CHD6: variants seen among roughly 807,000 people sequenced by gnomAD.
CHD6 encodes the protein chromodomain helicase DNA binding protein 6.
In CHD6, 50 loss-of-function variants were observed where a neutral mutation model predicts 276.9. The ratio of observed to expected loss-of-function variants is 0.18; its 90% CI spans 0.14 to 0.23. The LOEUF is 0.23. CHD6 is among the 10% of genes least tolerant of loss of function. CHD6 has a pLI of 1.00. For synonymous variants in CHD6, 1,173 were observed against 1,229.3 expected (o/e 0.95, Z 0.96); for missense variants, 2,564 against 3,365.8 (o/e 0.76, Z 5.89).
intron 29 of CHD6, among the ~76,000 whole-genome samples, chr20:41,424,285 G>A (rs927358724): frequency 6.6e-6 from 1 of 152,162 alleles, no homozygotes; most frequent in Non-Finnish European, 1.5e-5. Context: ...GGACACAAAG[G>A]TCCTCTAGTC....
At chr20:41,471,248 CA>C (rs2043045254) in intron 17 of CHD6, among the ~76,000 whole-genome samples, 1 of 152,158 alleles carries the variant, frequency 6.6e-6, no homozygotes, top group Non-Finnish European at 1.5e-5. Context: ...GGCAGCAGGC[CA>C]AAAGGCAATC....
In CHD6 at chr20:41,483,352, C is replaced by T; in HGVS notation, c.2425G>A (p.Val809Met). 4 of 1,613,740 alleles carry T rather than the reference C, an allele frequency of 2.5e-6. No homozygotes were observed. The highest frequency in any genetic ancestry group is 3.4e-6 in the Non-Finnish European group (4 of 1,179,784). The change falls in exon 16 of 37, where the codon GTG becomes ATG. Residue 809 changes from valine to methionine, a missense_variant. Transcript: ENST00000373233. ...TCTTCTAGGATGTCGAGGCAGCGCA[C>T]CATCTGGGAGAAGATGAGTACTTTG... ...GHKVLIFSQMVRCLDILEDYL... is the reference protein window; with the variant it reads ...GHKVLIFSQMMRCLDILEDYL...
chr20:41,502,041 T>C (rs1161083023), intron 5 of CHD6, among the ~76,000 whole-genome samples: 1 of 152,224 alleles, frequency 6.6e-6, no homozygotes, highest in Non-Finnish European at 1.5e-5. Context: ...CTCTCTCAGA[T>C]ACACAGATTA....
In CHD6 at chr20:41,480,697, G is replaced by A. The variant is rs1443083881; in HGVS notation, c.2468+2612C>T. ...AAATTACAACTAATATCATTATTTA[G>A]ATACAGCTATAAATACCAAAAGAAA... On this transcript the variant is annotated intron_variant, in intron 16 of 36. Coordinates refer to ENST00000373233, the MANE Select transcript of CHD6 (RefSeq NM_032221.5). Among the ~76,000 whole-genome samples, 4 of 152,078 alleles carry A rather than the reference G, an allele frequency of 2.6e-5. 1 individual carries two copies. Among genetic ancestry groups the A allele is most frequent in the East Asian group, 3.9e-4 (2 of 5,194 alleles).
intron 26 of CHD6, among the ~76,000 whole-genome samples, 165 bp downstream of exon 26, chr20:41,439,835 A>G (rs1246136496): frequency 6.6e-6 from 1 of 152,230 alleles, no homozygotes; most frequent in Non-Finnish European, 1.5e-5. Context: ...GAGGTAGAGT[A>G]GGGTGTAACC....
chr20:41,522,433 A>G (rs977981505), intron 3 of CHD6, among the ~76,000 whole-genome samples: 4 of 152,238 alleles, frequency 2.6e-5, no homozygotes, highest in Non-Finnish European at 4.4e-5. Context: ...AAGGGATGCT[A>G]AATCTTGGGA....
intron 16 of CHD6, among the ~76,000 whole-genome samples, chr20:41,479,303 T>C (rs1276577988): frequency 6.6e-6 from 1 of 152,168 alleles, no homozygotes; most frequent in Non-Finnish European, 1.5e-5. Flanking sequence ...TCAAATTTGA[T>C]GAAAGACATA....
At position 41,473,152 on chromosome 20, in the gene CHD6, C is replaced by T. The variant is rs1029064553; in HGVS notation, c.2664+170G>A. ...ACACTCTCTAATTAGTTGGAAGGGT[C>T]GACATTTACTTTTCATTCAGTTTCA... On this transcript the variant is annotated intron_variant, in intron 17 of 36. Coordinates refer to ENST00000373233, the MANE Select transcript of CHD6 (RefSeq NM_032221.5). The surrounding 1 kb of genome is among the most constrained non-coding windows in gnomAD (Gnocchi z 4.1). 3.3e-5 allele frequency: 19 copies of T among 569,288 alleles called. No homozygotes were observed. In the South Asian group the frequency reaches 4.3e-4, roughly 13 times the overall value. 35.3% of individuals were successfully genotyped at this position (569,288 alleles called of 1,614,324 possible). A position where few individuals can be genotyped will look rare whatever the true frequency, so the allele number is the denominator to read the frequency against.
chr20:41,551,882 T>C (rs139105063), intron 1 of CHD6, among the ~76,000 whole-genome samples: 10 of 152,310 alleles, frequency 6.6e-5, no homozygotes, highest in Non-Finnish European at 1.5e-4. Context: ...ATTTATTACT[T>C]GAAAAAACAA....
intron 3 of CHD6, among the ~76,000 whole-genome samples, chr20:41,527,090 TC>T (rs1298477635): frequency 1.3e-5 from 2 of 152,140 alleles, no homozygotes; most frequent in African/African-American, 4.8e-5. Context: ...CCAAAGCTCA[TC>T]CTCTGCCCTC....
At chr20:41,572,866 A>G (rs771247176) in intron 1 of CHD6, among the ~76,000 whole-genome samples, 1 of 152,212 alleles carries the variant, frequency 6.6e-6, no homozygotes, top group Non-Finnish European at 1.5e-5. Flanking sequence ...TTTAATAACT[A>G]GGAGAGCTTA....
chr20:41,605,174 A>G (rs1383556803), intron 1 of CHD6, among the ~76,000 whole-genome samples: 3 of 152,192 alleles, frequency 2.0e-5, no homozygotes, highest in African/African-American at 7.2e-5. Flanking sequence ...AAAGTTATAA[A>G]GCAAATTTGT....
intron 6 of CHD6, among the ~76,000 whole-genome samples, chr20:41,498,807 ATGTATGTGTGTGTGTGTGTGTGTGTG>A (rs2043755276): frequency 8.5e-6 from 1 of 117,650 alleles, no homozygotes; most frequent in South Asian, 2.8e-4. Flanking sequence ...GTATGTATGT[ATGTATGTGTGTGTGTGTGTGTGTGTG>A]TGTGTGTGTG....
intron 1 of CHD6, among the ~76,000 whole-genome samples, chr20:41,603,126 G>T (rs1165745924): frequency 2.0e-5 from 3 of 152,114 alleles, no homozygotes; most frequent in Admixed American, 6.5e-5. Context: ...GCCAAGGTGG[G>T]TGGATCACTT....
intron 2 of CHD6, among the ~76,000 whole-genome samples, chr20:41,547,041 A>G (rs972452121): frequency 6.6e-6 from 1 of 152,234 alleles, no homozygotes; most frequent in African/African-American, 2.4e-5. Flanking sequence ...GAAATGAGGA[A>G]TATCAAGATC....
At position 41,550,171 on chromosome 20, in the gene CHD6, T is replaced by G. The variant is rs141052536; in HGVS notation, c.33+1134A>C. ...GTGTGCTATGATTTGAACAGTCCCCTTTTTGACGGATGTGTACGTTCTTTT... is the reference window on the plus strand; with the variant it reads ...GTGTGCTATGATTTGAACAGTCCCCGTTTTGACGGATGTGTACGTTCTTTT... On this transcript the variant is annotated intron_variant, in intron 2 of 36. Transcript: ENST00000373233. 7.0e-3 allele frequency among the ~76,000 whole-genome samples: 1,063 copies of G among 152,354 alleles called. 7 individuals carry two copies. Among genetic ancestry groups the G allele is most frequent in the Non-Finnish European group, 9.8e-3 (665 of 68,026 alleles).
chr20:41,468,395 C>A (rs1362246575), intron 17 of CHD6, among the ~76,000 whole-genome samples: 1 of 152,172 alleles, frequency 6.6e-6, no homozygotes, highest in Admixed American at 6.5e-5. Context: ...CAGGCATGAG[C>A]CACCGCGCCC....
At chr20:41,617,207 G>C (rs992451564) in intron 1 of CHD6, among the ~76,000 whole-genome samples, 5 of 152,136 alleles carry the variant, frequency 3.3e-5, no homozygotes, top group Admixed American at 6.5e-5. Flanking sequence ...GAGATGCTCA[G>C]AGATGCCAAG....
rs2042908273 is a variant in CHD6, at chr20:41,465,904, T to C, written c.2664+7418A>G. ...CCATCCTGTTCTCTAAAGGTAACCA[T>C]TTAAAAACAAAGTTTGTAGGCCGGG... On this transcript the variant is annotated intron_variant, in intron 17 of 36. Coordinates refer to ENST00000373233, the MANE Select transcript of CHD6 (RefSeq NM_032221.5). Among the ~76,000 whole-genome samples the C allele has an allele frequency of 1.3e-5, 2 of 152,220 alleles. 1 individual carries two copies. The highest frequency in any genetic ancestry group is 4.1e-4 in the South Asian group (2 of 4,834).
Sources: gnomAD v4.1 joint callset for allele counts (sites outside exome capture counted in the v4.1 genomes callset) on GRCh38, gnomAD v4.1.1 for gene constraint, Gnocchi (gnomAD v3.1) non-coding constraint, MANE v1.5 for transcripts, NCBI Gene and HGNC (gene_info 2026-07-23, HGNC 2026-07-21) for gene names.